RAB33B: variants seen among roughly 807,000 people sequenced by gnomAD.
The protein encoded by RAB33B is RAB33B, member RAS oncogene family.
RAB33B carries 6 observed loss-of-function variants against 15.0 expected under a neutral mutation model. The observed-to-expected ratio is 0.40, with a 90% confidence interval of 0.22 to 0.79. The LOEUF (loss-of-function observed/expected upper bound fraction) is 0.79. Among genes scored for constraint, RAB33B ranks in the 30% least tolerant of loss-of-function variants. RAB33B has a pLI of 0.37. For missense variants in RAB33B, 257 were observed against 296.4 expected (o/e 0.87, Z 0.98); for synonymous variants, 117 against 108.3 (o/e 1.08, Z -0.50).
the RAB33B span, among the ~76,000 whole-genome samples, chr4:139,447,736 G>A: frequency 7.2e-6 from 1 of 139,410 alleles, no homozygotes; most frequent in African/African-American, 2.7e-5. Flanking sequence ...GTGGGATCTC[G>A]GCTCACTGCA....
intron 1 of RAB33B, among the ~76,000 whole-genome samples, chr4:139,470,293 A>G (rs1750364668): frequency 6.6e-6 from 1 of 151,840 alleles, no homozygotes. Flanking sequence ...CTTCCCTCCC[A>G]TTTCCAAAGA....
At chr4:139,467,837 A>C (rs780310647) in intron 1 of RAB33B, among the ~76,000 whole-genome samples, 1 of 151,210 alleles carries the variant, frequency 6.6e-6, no homozygotes, top group Non-Finnish European at 1.5e-5. Context: ...CAGCCTGGGC[A>C]ATAGAGCAAT....
At chr4:139,457,143 G>C (rs1387561258) in intron 1 of RAB33B, among the ~76,000 whole-genome samples, 1 of 152,140 alleles carries the variant, frequency 6.6e-6, no homozygotes, top group Admixed American at 6.5e-5. Context: ...CTTAACAACA[G>C]TGCCCTTTCA....
At chr4:139,467,839 T>C (rs1195952390) in intron 1 of RAB33B, among the ~76,000 whole-genome samples, 1 of 150,076 alleles carries the variant, frequency 6.7e-6, no homozygotes, top group Non-Finnish European at 1.5e-5. Context: ...GCCTGGGCAA[T>C]AGAGCAATGT....
At chr4:139,469,354 A>G (rs978645555) in intron 1 of RAB33B, among the ~76,000 whole-genome samples, 2 of 152,100 alleles carry the variant, frequency 1.3e-5, no homozygotes, top group Admixed American at 1.3e-4. Context: ...AAGGACTCTG[A>G]TGCATTCTTC....
rs757709966 is a variant in RAB33B at position 139,454,437 on chromosome 4, G to T, written c.242G>T (p.Arg81Leu). The T allele has an allele frequency of 1.2e-6, 2 of 1,608,036 alleles. No individual in the cohort carries two copies. Among genetic ancestry groups the T allele is most frequent in the East Asian group, 2.2e-5 (1 of 44,866 alleles). ...RERAVEIDGE[R>L]IKIQLWDTAG... ...CGAGCGGTGGAGATTGATGGGGAGC[G>T]CATCAAGGTGAGCGGATGGGGAACT... The change falls in exon 1 of 2, where the codon CGC becomes CTC. Residue 81 changes from arginine (R) to leucine (L), a missense_variant. Physicochemically the swap from Arg to Leu is moderately radical, Grantham distance 102 (BLOSUM62 -2). Coordinates refer to ENST00000305626, the MANE Select transcript of RAB33B (RefSeq NM_031296.3).
rs1389298690 is a variant in RAB33B at position 139,472,751 on chromosome 4, A to G, written c.315A>G (p.Arg105=). 2 of 1,613,970 alleles carry G rather than the reference A, an allele frequency of 1.2e-6. No homozygotes were observed. ...AGAGCATGGTTCAGCACTACTACAGAAATGTACATGCTGTTGTCTTCGTGT... is the reference window on the plus strand; with the variant it reads ...AGAGCATGGTTCAGCACTACTACAGGAATGTACATGCTGTTGTCTTCGTGT... ...FRKSMVQHYY[R]NVHAVVFVYD... is the part of the protein sequence containing the mutation. Residue 105 remains arginine (R), a synonymous_variant, in exon 2 of 2, where the codon AGA becomes AGG. Transcript: ENST00000305626.
At chr4:139,444,602 G>C in the RAB33B span, among the ~76,000 whole-genome samples, 26 of 152,300 alleles carry the variant, frequency 1.7e-4, no homozygotes, top group African/African-American at 6.0e-4. Context: ...CTGGACACTG[G>C]CTCTGAGCTG....
intron 1 of RAB33B, among the ~76,000 whole-genome samples, chr4:139,462,557 A>C (rs1191954456): frequency 6.6e-6 from 1 of 152,230 alleles, no homozygotes; most frequent in Non-Finnish European, 1.5e-5. Flanking sequence ...CTATATAAGA[A>C]CTACATAAGA....
At chr4:139,462,348 C>G (rs1480627469) in intron 1 of RAB33B, among the ~76,000 whole-genome samples, 1 of 152,024 alleles carries the variant, frequency 6.6e-6, no homozygotes, top group Non-Finnish European at 1.5e-5. Flanking sequence ...CCACCGCGCC[C>G]GGCCATGACA....
At chr4:139,440,512 G>GGGGGGCAAACCA in the RAB33B span, among the ~76,000 whole-genome samples, 2 of 152,136 alleles carry the variant, frequency 1.3e-5, no homozygotes, top group Non-Finnish European at 1.5e-5. Flanking sequence ...GCTCCTACAA[G>GGGGGGCAAACCA]CTGTGTGCAA....
At chr4:139,444,062 T>G in the RAB33B span, among the ~76,000 whole-genome samples, 33 of 152,190 alleles carry the variant, frequency 2.2e-4, no homozygotes, top group African/African-American at 7.7e-4. Flanking sequence ...GTTTTATAAT[T>G]TATATAAGCA....
chr4:139,438,613 A>C, the RAB33B span, among the ~76,000 whole-genome samples: 1 of 151,770 alleles, frequency 6.6e-6, no homozygotes, highest in East Asian at 1.9e-4. Flanking sequence ...TTTTGGTCTG[A>C]TGGCAAATCA....
chr4:139,471,999 A>C (rs1283049606), intron 1 of RAB33B, among the ~76,000 whole-genome samples: 1 of 152,176 alleles, frequency 6.6e-6, no homozygotes, highest in East Asian at 1.9e-4. Flanking sequence ...TCTTGTTAAA[A>C]ATCAGTTGAC....
In RAB33B at chr4:139,454,153, T is replaced by C; in HGVS notation, c.-43T>C. 1.3e-6 allele frequency: 2 copies of C among 1,571,944 alleles called. No individual in the cohort carries two copies. The highest frequency in any genetic ancestry group is 2.0e-4 in the Middle Eastern group (1 of 5,048). Reference sequence around the variant, plus strand: ...CGGTGGCGTAATCTCTCAGCCTTTCTGTGTCTCCTTTCCTCCGCCTCAGTT... The same window carrying C: ...CGGTGGCGTAATCTCTCAGCCTTTCCGTGTCTCCTTTCCTCCGCCTCAGTT... On this transcript the variant is annotated 5_prime_UTR_variant, in exon 1 of 2. Transcript: ENST00000305626.
chr4:139,460,575 A>G (rs1411201112), intron 1 of RAB33B, among the ~76,000 whole-genome samples: 1 of 152,242 alleles, frequency 6.6e-6, no homozygotes, highest in Non-Finnish European at 1.5e-5. Flanking sequence ...ACCTTAAAAC[A>G]GAATCAAATT....
chr4:139,454,553 C>T (rs576086336), intron 1 of RAB33B, 109 bp downstream of exon 1: 60 of 1,262,098 alleles, frequency 4.8e-5, no homozygotes, highest in Non-Finnish European at 6.0e-5. Context: ...ATTTTTTTCT[C>T]ACGCTGATGA....
intron 1 of RAB33B, among the ~76,000 whole-genome samples, chr4:139,454,710 C>T (rs1750029386): frequency 6.6e-6 from 1 of 152,190 alleles, no homozygotes; most frequent in African/African-American, 2.4e-5. Context: ...GATGCAGGTG[C>T]AGCTAGTCCG....
intron 1 of RAB33B, among the ~76,000 whole-genome samples, chr4:139,463,387 C>T (rs1177557766): frequency 2.0e-5 from 3 of 152,114 alleles, no homozygotes; most frequent in Admixed American, 6.6e-5. Flanking sequence ...CCACCCACCT[C>T]GGCCTCCCAA....
Sources: gnomAD v4.1 joint callset for allele counts (sites outside exome capture counted in the v4.1 genomes callset) on GRCh38, gnomAD v4.1.1 for gene constraint, MANE v1.5 for transcripts, NCBI Gene and HGNC (gene_info 2026-07-23, HGNC 2026-07-21) for gene names.